Variants in ADGRD1 observed in about 807,000 individuals in gnomAD.
ADGRD1 encodes adhesion G protein-coupled receptor D1, also known as G-protein coupled receptor 133.
A neutral mutation model predicts 113.4 loss-of-function variants in ADGRD1; 77 were observed. The ratio of observed to expected loss-of-function variants is 0.68; its 90% CI spans 0.57 to 0.82. The LOEUF is 0.82. ADGRD1 is among the 40% of genes least tolerant of loss of function. The pLI is 0.00. For missense variants in ADGRD1, 1,036 were observed against 1,139.1 expected, an observed-to-expected ratio of 0.91 and a Z score of 1.30; for synonymous variants, 474 against 475.0, an observed-to-expected ratio of 1.00 and a Z score of 0.03.
At chr12:130,967,722 G>A (rs1871165407) in intron 3 of ADGRD1, 2 of 149,080 alleles carry the variant, frequency 1.3e-5, no homozygotes, top group South Asian at 4.1e-4. Context: ...GGTGTTCTCA[G>A]ACTGGGGCGC....
At chr12:130,986,291 T>A (rs2136622447) in intron 5 of ADGRD1, among the ~76,000 whole-genome samples, 1 of 152,350 alleles carries the variant, frequency 6.6e-6, no homozygotes, top group South Asian at 2.1e-4. Context: ...ATATGGAATA[T>A]CTCTCCATTT....
At chr12:131,105,993 G>A (rs1950229152) in intron 17 of ADGRD1, 128 bp downstream of exon 17, 2 of 684,910 alleles carry the variant, frequency 2.9e-6, no homozygotes, top group Non-Finnish European at 5.1e-6. Context: ...AACCAGGGCT[G>A]TGGTTTTCTC....
At chr12:130,969,070 T>C in intron 3 of ADGRD1, 1 of 1,479,254 alleles carries the variant, frequency 6.8e-7, no homozygotes, top group Non-Finnish European at 9.1e-7. Flanking sequence ...TCTGCAACTG[T>C]AGGTGAGCAT....
In ADGRD1 at chr12:130,954,795, G is replaced by A. The variant is rs1038317743; in HGVS notation, c.103+135G>A. ...TGGGCTCCTGGTCCCCGACCTCACTGCCTCACCACACACTGTGACCCTGGG... is the reference window on the plus strand; with the variant it reads ...TGGGCTCCTGGTCCCCGACCTCACTACCTCACCACACACTGTGACCCTGGG... On this transcript the variant is annotated intron_variant, in intron 2 of 24. Transcript: ENST00000261654. The surrounding 1 kb of genome is among the most constrained non-coding windows in gnomAD (Gnocchi z 4.7). The A allele has an allele frequency of 5.1e-6, 4 of 788,896 alleles. No individual in the cohort carries two copies. In the African/African-American group the frequency reaches 5.1e-5, roughly 10 times the overall value. 48.9% of individuals were successfully genotyped at this position (788,896 alleles called of 1,614,324 possible).
At chr12:130,996,621 C>A (rs1194418025) in intron 8 of ADGRD1, among the ~76,000 whole-genome samples, 1 of 101,216 alleles carries the variant, frequency 9.9e-6, no homozygotes, top group Non-Finnish European at 2.2e-5. Context: ...AGAGGCGCCC[C>A]TCACCTCCCG....
chr12:131,012,194 A>C (rs890719543), intron 12 of ADGRD1, among the ~76,000 whole-genome samples: 2 of 152,190 alleles, frequency 1.3e-5, no homozygotes, highest in African/African-American at 2.4e-5. Context: ...TTATTAGAAA[A>C]AAATGTCTAA....
chr12:131,105,070 G>C (rs768348324), intron 16 of ADGRD1, 136 bp downstream of exon 16: 4 of 653,812 alleles, frequency 6.1e-6, no homozygotes, highest in African/African-American at 1.9e-5. Flanking sequence ...GGTCTGGAAA[G>C]GCCCCCAGCC....
chr12:131,061,449 T>C (rs543599484), intron 13 of ADGRD1, among the ~76,000 whole-genome samples: 1 of 152,382 alleles, frequency 6.6e-6, no homozygotes, highest in East Asian at 1.9e-4. Flanking sequence ...TCTTCTCGCC[T>C]GCCCACGCTT....
chr12:131,015,927 G>T (rs1373669535), intron 13 of ADGRD1, among the ~76,000 whole-genome samples: 1 of 152,248 alleles, frequency 6.6e-6, no homozygotes, highest in African/African-American at 2.4e-5. Flanking sequence ...AAGGTTCCCT[G>T]CAGGAGAATT....
chr12:131,014,308 C>T lies in ADGRD1; in HGVS notation c.1441C>T (p.Pro481Ser), dbSNP rs865931428. Residue 481 changes from proline to serine, a missense_variant, in exon 13 of 25, where the codon CCA becomes TCA. Pro to Ser is a moderately conservative substitution (Grantham distance 74). Transcript: ENST00000261654. ...PTLSQNLSGS[P>S]LITVHLKHRL... is the part of the protein sequence containing the mutation. The stretch of plus-strand genomic sequence containing the variant: ...CCTGTCTCAGAACCTGTCGGGCTCT[C>T]CACTCATTACGGTCCACCTCAAGCA... The T allele has an allele frequency of 1.2e-6, 2 of 1,614,060 alleles. No individual in the cohort carries two copies. The highest frequency in any genetic ancestry group is 1.7e-5 in the Admixed American group (1 of 60,016).
At chr12:131,055,953 A>G (rs1883830135) in intron 13 of ADGRD1, among the ~76,000 whole-genome samples, 1 of 152,218 alleles carries the variant, frequency 6.6e-6, no homozygotes, top group South Asian at 2.1e-4. Context: ...CCACAGAGCT[A>G]GGCTGTAAAA....
chr12:130,969,134 G>A (rs540965708), intron 3 of ADGRD1: 1 of 929,198 alleles, frequency 1.1e-6, no homozygotes, highest in Admixed American at 2.0e-5. Context: ...TGAATTCTAA[G>A]GCCAATTCTG....
intron 13 of ADGRD1, among the ~76,000 whole-genome samples, chr12:131,047,325 T>C (rs1487872297): frequency 6.6e-6 from 1 of 151,928 alleles, no homozygotes; most frequent in Non-Finnish European, 1.5e-5. Context: ...CGAGGAGACA[T>C]TGTGGTTTGG....
intron 15 of ADGRD1, among the ~76,000 whole-genome samples, chr12:131,102,568 G>A (rs1012561976): frequency 6.6e-6 from 1 of 152,204 alleles, no homozygotes; most frequent in Admixed American, 6.5e-5. Flanking sequence ...GCCAGGCAGC[G>A]ATAGGGAGTG....
At position 131,138,168 on chromosome 12, in the gene ADGRD1, T is replaced by C. The variant is rs1283299907; in HGVS notation, c.2468T>C (p.Val823Ala). 6.2e-7 allele frequency: 1 copy of C among 1,613,556 alleles called. No individual in the cohort carries two copies. Among genetic ancestry groups the C allele is most frequent in the South Asian group, 1.1e-5 (1 of 91,076 alleles). Residue 823 changes from valine (V) to alanine (A), a missense_variant, in exon 24 of 25, where the codon GTC becomes GCC. Val to Ala is a moderately conservative substitution (Grantham distance 64, BLOSUM62 0). Transcript: ENST00000261654. ...GCCGCCTTCAAGCACAAAACCAAGG[T>C]CTGGTCGCTCACGAGCAGCTCTGCC... ...VRAAFKHKTK[V>A]WSLTSSSART...
At chr12:130,999,854 C>T (rs1404146945) in intron 8 of ADGRD1, among the ~76,000 whole-genome samples, 2 of 152,168 alleles carry the variant, frequency 1.3e-5, no homozygotes, top group African/African-American at 4.8e-5. Flanking sequence ...GATTAGGAAA[C>T]AGTAGAAATT....
intron 4 of ADGRD1, chr12:130,976,695 C>T (rs1435969642): frequency 6.6e-6 from 1 of 152,212 alleles, no homozygotes; most frequent in Non-Finnish European, 1.5e-5. Context: ...TGGAATTTCT[C>T]CCGGTGCTTT....
intron 20 of ADGRD1, among the ~76,000 whole-genome samples, chr12:131,122,738 C>G (rs1593253165): frequency 6.6e-6 from 1 of 152,198 alleles, no homozygotes; most frequent in Non-Finnish European, 1.5e-5. Context: ...CTGGGCAGAA[C>G]AGGCCCCTGT....
At chr12:131,079,965 A>G (rs1885941132) in intron 14 of ADGRD1, among the ~76,000 whole-genome samples, 1 of 151,976 alleles carries the variant, frequency 6.6e-6, no homozygotes, top group Non-Finnish European at 1.5e-5. Context: ...TCTGTTGTCA[A>G]TTTCATTGGC....
Sources: allele counts gnomAD v4.1 joint callset (sites outside exome capture counted in the v4.1 genomes callset), GRCh38; gene constraint gnomAD v4.1.1; non-coding constraint Gnocchi (gnomAD v3.1); transcripts MANE v1.5; gene names NCBI Gene and HGNC (gene_info 2026-07-23, HGNC 2026-07-21).